The following RIC1 variants were observed in gnomAD, a reference collection of about 807,000 sequenced individuals.
RIC1 encodes RIC1 partner of RAB6A GEF complex.
RIC1 carries 88 observed loss-of-function variants against 169.0 expected under a neutral mutation model. The observed-to-expected ratio is 0.52, with a 90% CI of 0.44 to 0.62. The LOEUF (loss-of-function observed/expected upper bound fraction) is 0.62. Ranked by LOEUF, RIC1 falls within the 20% of genes least tolerant of loss-of-function variation. The pLI, the probability that RIC1 is intolerant of heterozygous loss-of-function variation, is 0.00. For missense variants in RIC1, 1,877 were observed against 1,725.5 expected, an observed-to-expected ratio of 1.09 and a Z score of -1.56; for synonymous variants, 790 against 601.5, an observed-to-expected ratio of 1.31 and a Z score of -4.59.
chr9:5,704,074 A>T (rs1261895479), intron 3 of RIC1, among the ~76,000 whole-genome samples: 1 of 151,918 alleles, frequency 6.6e-6, no homozygotes, highest in Non-Finnish European at 1.5e-5. Flanking sequence ...GGTCATCCCA[A>T]TGAATGTGAA....
At chr9:5,730,218 G>C (rs1587049541) in intron 6 of RIC1, among the ~76,000 whole-genome samples, 1 of 152,156 alleles carries the variant, frequency 6.6e-6, no homozygotes, top group Non-Finnish European at 1.5e-5. Context: ...AGTAGGACTA[G>C]ATTATTAGGA....
In RIC1 at chr9:5,774,026, A is replaced by T. The variant is rs758027587; in HGVS notation, c.4052A>T (p.Glu1351Val). Residue 1351 changes from glutamate (E) to valine (V), a missense_variant, in exon 26 of 26, where the codon GAG becomes GTG. Glu to Val is a moderately radical substitution (Grantham distance 121, BLOSUM62 -2). This residue lies in a region of RIC1 where 681 missense variants were observed against 582.0 expected (regional missense o/e 1.17). Transcript: ENST00000414202. The part of the protein sequence containing the change: ...QLQKLSEITE[E>V]QVQPDAFQPI... ...CAGAAGCTCAGTGAGATAACAGAAG[A>T]GCAGGTCCAGCCAGATGCCTTCCAA... 6.2e-7 allele frequency: 1 copy of T among 1,614,062 alleles called. No homozygotes were observed. Among genetic ancestry groups the T allele is most frequent in the East Asian group, 2.2e-5 (1 of 44,866 alleles).
At chr9:5,634,146 T>G (rs1817858814) in intron 1 of RIC1, among the ~76,000 whole-genome samples, 1 of 152,192 alleles carries the variant, frequency 6.6e-6, no homozygotes, top group Admixed American at 6.5e-5. Flanking sequence ...TGACAGACAC[T>G]TAGGTTGTTT....
chr9:5,747,570 A>G, intron 12 of RIC1, 65 bp downstream of exon 12: 1 of 1,371,126 alleles, frequency 7.3e-7, no homozygotes, highest in Non-Finnish European at 1.0e-6. Flanking sequence ...GGAACAGATT[A>G]TTAAATATTT....
intron 19 of RIC1, among the ~76,000 whole-genome samples, chr9:5,764,816 A>G (rs543894433): frequency 6.6e-6 from 1 of 152,334 alleles, no homozygotes; most frequent in South Asian, 2.1e-4. Context: ...TTTTTTCTGC[A>G]ACAGAATTCC....
intron 25 of RIC1, among the ~76,000 whole-genome samples, 186 bp from the exon 26 acceptor site, chr9:5,773,772 G>A (rs1170856213): frequency 6.6e-6 from 1 of 152,134 alleles, no homozygotes; most frequent in Non-Finnish European, 1.5e-5. Context: ...CTTATGCAAT[G>A]TGCAGCCCCC....
intron 2 of RIC1, among the ~76,000 whole-genome samples, chr9:5,683,517 A>G (rs1820992718): frequency 6.6e-6 from 1 of 152,182 alleles, no homozygotes; most frequent in Non-Finnish European, 1.5e-5. Flanking sequence ...GTTTTGTCTC[A>G]GAGGAGTACC....
At chr9:5,690,856 A>G (rs1311848888) in intron 3 of RIC1, among the ~76,000 whole-genome samples, 1 of 151,980 alleles carries the variant, frequency 6.6e-6, no homozygotes, top group Non-Finnish European at 1.5e-5. Context: ...GTAGATAAAT[A>G]GGGAAAGTAG....
intron 3 of RIC1, among the ~76,000 whole-genome samples, chr9:5,699,875 A>G (rs1300913639): frequency 1.3e-5 from 2 of 152,244 alleles, no homozygotes. Context: ...TCTGTAAATA[A>G]GACAAATTGT....
intron 2 of RIC1, among the ~76,000 whole-genome samples, chr9:5,674,607 G>A (rs1004801033): frequency 2.0e-5 from 3 of 152,154 alleles, no homozygotes; most frequent in African/African-American, 7.2e-5. Context: ...ACAGATAAAA[G>A]GTTAGGTTAC....
At chr9:5,762,232 A>C (rs1826384226) in intron 17 of RIC1, among the ~76,000 whole-genome samples, 1 of 152,238 alleles carries the variant, frequency 6.6e-6, no homozygotes, top group South Asian at 2.1e-4. Context: ...TATGACAGCT[A>C]GATCACTGAA....
At chr9:5,739,064 A>G (rs978960538) in intron 8 of RIC1, among the ~76,000 whole-genome samples, 10 of 152,110 alleles carry the variant, frequency 6.6e-5, no homozygotes, top group Non-Finnish European at 1.0e-4. Context: ...GGGTTCTTCA[A>G]AGATGTAGCT....
intron 1 of RIC1, among the ~76,000 whole-genome samples, chr9:5,656,064 G>C (rs1392268700): frequency 6.6e-6 from 1 of 151,928 alleles, no homozygotes; most frequent in Non-Finnish European, 1.5e-5. Flanking sequence ...TAGAAACGGG[G>C]TTTCACTGTG....
intron 2 of RIC1, among the ~76,000 whole-genome samples, chr9:5,687,620 C>T (rs1044045010): frequency 6.6e-6 from 1 of 152,010 alleles, no homozygotes; most frequent in Admixed American, 6.5e-5. Context: ...TATTTGTGGG[C>T]TTTCCAGAAT....
At chr9:5,728,376 GCTAAGACCA>G (rs1824135827) in intron 6 of RIC1, among the ~76,000 whole-genome samples, 1 of 152,240 alleles carries the variant, frequency 6.6e-6, no homozygotes, top group Admixed American at 6.5e-5. Context: ...TGTGCTGTTT[GCTAAGACCA>G]TTGGAAAAGC....
intron 7 of RIC1, among the ~76,000 whole-genome samples, chr9:5,735,538 G>C (rs1377415977): frequency 6.6e-6 from 1 of 152,172 alleles, no homozygotes; most frequent in East Asian, 1.9e-4. Flanking sequence ...GTTTTCATCA[G>C]CTACGAGACT....
rs557066125 is a variant in RIC1 at position 5,629,492 on chromosome 9, C to T, written c.144+39C>T. 8.7e-4 allele frequency: 1,309 copies of T among 1,502,898 alleles called. 1 individual carries two copies. Among genetic ancestry groups the T allele is most frequent in the Non-Finnish European group, 1.0e-3 (1,168 of 1,129,990 alleles). 93.1% of individuals were successfully genotyped at this position (1,502,898 alleles called of 1,614,324 possible). ...CCCGCCGCCTTTCGCCGCTGCCTCC[C>T]CGGCCTCCCGGCGCCGTCCCACCCC... On this transcript the variant is annotated intron_variant, in intron 1 of 25. Coordinates refer to ENST00000414202, the MANE Select transcript of RIC1 (RefSeq NM_020829.4).
At chr9:5,754,818 T>A in intron 14 of RIC1, 23 bp from the exon 15 acceptor site, 1 of 1,480,034 alleles carries the variant, frequency 6.8e-7, no homozygotes, top group Non-Finnish European at 9.2e-7. Flanking sequence ...AAGGTAAATT[T>A]TTTAAAAAAT....
At position 5,721,160 on chromosome 9, in the gene RIC1, A is replaced by G. The variant is rs909630997; in HGVS notation, c.720+410A>G. Among the ~76,000 whole-genome samples the G allele has an allele frequency of 2.0e-5, 3 of 152,006 alleles. No individual in the cohort carries two copies. The South Asian group carries it at 6.2e-4, about 31-fold the overall frequency. ...ATACTTATATTCTTCTCATGTTCCC[A>G]TTATAGTTATTGTGATTTTGATTAG... On this transcript the variant is annotated intron_variant, in intron 6 of 25. Transcript: ENST00000414202.
Sources: gnomAD v4.1 joint callset for allele counts (sites outside exome capture counted in the v4.1 genomes callset) on GRCh38, gnomAD v4.1.1 for gene constraint, gnomAD v4.1.1 regional missense constraint, MANE v1.5 for transcripts, NCBI Gene and HGNC (gene_info 2026-07-23, HGNC 2026-07-21) for gene names.